MMP26: variants seen among roughly 807,000 people sequenced by gnomAD.
MMP26 encodes matrix metalloproteinase-26.
Under a neutral mutation model 31.0 loss-of-function variants are expected in MMP26, and 33 were observed. The observed-to-expected ratio is 1.06, with a 90% confidence interval of 0.81 to 1.42. MMP26 has a LOEUF of 1.42. MMP26 is among the 40% of genes most tolerant of loss of function. The pLI is 0.00. For missense variants in MMP26, 347 were observed against 316.1 expected, an observed-to-expected ratio of 1.10 and a Z score of -0.74; for synonymous variants, 122 against 114.9, an observed-to-expected ratio of 1.06 and a Z score of -0.40.
At chr11:4,816,962 G>A (rs1039738870) in intron 2 of MMP26, among the ~76,000 whole-genome samples, 15 of 150,282 alleles carry the variant, frequency 1.0e-4, no homozygotes, top group East Asian at 2.0e-4. Context: ...CACCCGCCTC[G>A]GCCTCCCAAA....
At chr11:4,860,433 A>G (rs1028612780) in intron 2 of MMP26, 2 of 471,076 alleles carry the variant, frequency 4.2e-6, no homozygotes, top group Non-Finnish European at 8.8e-6. Context: ...GGATGGTACC[A>G]TTTCCCAGGA....
At chr11:4,804,334 A>T in intron 2 of MMP26, 1 of 1,614,170 alleles carries the variant, frequency 6.2e-7, no homozygotes, top group Non-Finnish European at 8.5e-7. Flanking sequence ...TCCAAGCAGG[A>T]TGAAGGACAC....
chr11:4,989,610 A>G (rs1846962207), intron 3 of MMP26, 38 bp from the exon 4 acceptor site: 8 of 1,546,266 alleles, frequency 5.2e-6, no homozygotes, highest in African/African-American at 2.7e-5. Flanking sequence ...GGTCTTCCCT[A>G]TTGACTCTTA....
intron 1 of MMP26, chr11:4,751,950 A>G (rs568092401): frequency 3.9e-5 from 6 of 152,308 alleles, no homozygotes; most frequent in Admixed American, 3.9e-4. Flanking sequence ...TCAACTCTAA[A>G]ATTGCATGCA....
At chr11:4,940,359 A>G (rs182420952) in intron 2 of MMP26, among the ~76,000 whole-genome samples, 10 of 152,248 alleles carry the variant, frequency 6.6e-5, no homozygotes, top group Admixed American at 6.5e-4. Flanking sequence ...TGAAAATTCT[A>G]CAATACGCTT....
At chr11:4,855,404 C>T (rs1241578914) in intron 2 of MMP26, among the ~76,000 whole-genome samples, 2 of 152,134 alleles carry the variant, frequency 1.3e-5, no homozygotes, top group Non-Finnish European at 2.9e-5. Flanking sequence ...GAAACCATGG[C>T]ACGAGAACTA....
chr11:4,799,975 G>A (rs1849159785), intron 2 of MMP26, among the ~76,000 whole-genome samples: 1 of 152,166 alleles, frequency 6.6e-6, no homozygotes, highest in African/African-American at 2.4e-5. Flanking sequence ...AGCTTTGCAG[G>A]GTGTGGTCCC....
intron 2 of MMP26, among the ~76,000 whole-genome samples, chr11:4,986,832 CTAGTTGAACAGCTTT>C (rs1564819651): frequency 6.7e-6 from 1 of 149,908 alleles, no homozygotes; most frequent in Admixed American, 6.7e-5. Context: ...TGCGCCTGGC[CTAGTTGAACAGCTTT>C]TAAGTAGCAG....
intron 2 of MMP26, among the ~76,000 whole-genome samples, chr11:4,791,034 G>A (rs538499067): frequency 6.6e-6 from 1 of 152,220 alleles, no homozygotes; most frequent in Admixed American, 6.5e-5. Flanking sequence ...CATCCTGCTT[G>A]TTGTATCGGT....
At chr11:4,727,076 A>T (rs1848110742) in intron 1 of MMP26, among the ~76,000 whole-genome samples, 1 of 152,224 alleles carries the variant, frequency 6.6e-6, no homozygotes, top group Non-Finnish European at 1.5e-5. Flanking sequence ...TCTATTTTCT[A>T]TGATAAGAAA....
chr11:4,848,555 G>A (rs551788843), intron 2 of MMP26: 3 of 1,611,804 alleles, frequency 1.9e-6, no homozygotes, highest in East Asian at 2.2e-5. Context: ...AAATAAGCAG[G>A]GGGTCCAAAC....
chr11:4,962,038 TTTTG>T (rs1441000256), intron 2 of MMP26, among the ~76,000 whole-genome samples: 1 of 151,996 alleles, frequency 6.6e-6, no homozygotes, highest in Non-Finnish European at 1.5e-5. Context: ...TGTTTTTTGT[TTTTG>T]TTTGTTTGTT....
chr11:4,961,866 G>T (rs1045132799), intron 2 of MMP26, among the ~76,000 whole-genome samples: 2 of 152,120 alleles, frequency 1.3e-5, no homozygotes, highest in African/African-American at 4.8e-5. Flanking sequence ...AATGAAGTGT[G>T]CAGTAATCAA....
intron 2 of MMP26, among the ~76,000 whole-genome samples, chr11:4,813,142 T>G (rs981630642): frequency 1.3e-5 from 2 of 152,036 alleles, no homozygotes; most frequent in Admixed American, 6.6e-5. Context: ...GTAGCTGGGA[T>G]TACAGGTGCC....
chr11:4,889,059 C>T (rs1451983357), intron 2 of MMP26, among the ~76,000 whole-genome samples: 1 of 152,132 alleles, frequency 6.6e-6, no homozygotes, highest in Non-Finnish European at 1.5e-5. Flanking sequence ...ATTTCCGTAA[C>T]ATTCTAAAAC....
chr11:4,940,151 AG>A, intron 2 of MMP26, among the ~76,000 whole-genome samples: 1 of 152,208 alleles, frequency 6.6e-6, no homozygotes. Context: ...TTTCTCACTT[AG>A]GTGATTATTT....
chr11:4,784,334 C>G (rs1183019443), intron 2 of MMP26, among the ~76,000 whole-genome samples: 3 of 152,176 alleles, frequency 2.0e-5, no homozygotes, highest in African/African-American at 7.2e-5. Context: ...CAGAATTAGC[C>G]TTAAAAGATA....
chr11:4,940,693 A>G (rs982363372), intron 2 of MMP26, among the ~76,000 whole-genome samples: 15 of 152,188 alleles, frequency 9.9e-5, no homozygotes, highest in African/African-American at 3.6e-4. Flanking sequence ...CGTTGACTCA[A>G]GGGACACAAA....
chr11:4,897,571 T>G (rs1032530738), intron 2 of MMP26, among the ~76,000 whole-genome samples: 6 of 152,218 alleles, frequency 3.9e-5, no homozygotes, highest in Admixed American at 3.9e-4. Context: ...TATAGCTTTC[T>G]CACTTATTTT....
Sources: gnomAD v4.1 joint callset for allele counts (sites outside exome capture counted in the v4.1 genomes callset) on GRCh38, gnomAD v4.1.1 for gene constraint, MANE v1.5 for transcripts, NCBI Gene and HGNC (gene_info 2026-07-23, HGNC 2026-07-21) for gene names.